EEA1: variants seen among roughly 807,000 people sequenced by gnomAD.
EEA1 encodes early endosome antigen 1, 162kD.
Under a neutral mutation model 209.2 loss-of-function variants are expected in EEA1, and 111 were observed. The ratio of observed to expected loss-of-function variants is 0.53; its 90% CI spans 0.45 to 0.62. The LOEUF is 0.62. Ranked by LOEUF, EEA1 falls within the 20% of genes least tolerant of loss-of-function variation. The pLI is 0.00. For synonymous variants in EEA1, 536 were observed against 540.6 expected, an observed-to-expected ratio of 0.99 and a Z score of 0.12; for missense variants, 1,343 against 1,530.8, an observed-to-expected ratio of 0.88 and a Z score of 2.05.
At chr12:92,820,700 A>G (rs1340931389) in intron 13 of EEA1, among the ~76,000 whole-genome samples, 1 of 152,050 alleles carries the variant, frequency 6.6e-6, no homozygotes, top group Non-Finnish European at 1.5e-5. Flanking sequence ...ACCATGGTAC[A>G]TGTGTAACTA....
chr12:92,858,894 A>G (rs1442177041), intron 3 of EEA1: 3 of 713,692 alleles, frequency 4.2e-6, no homozygotes, highest in Non-Finnish European at 7.8e-6. Context: ...ACCATTATGG[A>G]CACTTACAGA....
chr12:92,793,635 C>A (rs1874515343), intron 21 of EEA1, among the ~76,000 whole-genome samples: 1 of 152,064 alleles, frequency 6.6e-6, no homozygotes, highest in African/African-American at 2.4e-5. Context: ...TAGAAGAGGA[C>A]ACAAACAAAT....
At chr12:92,906,617 C>T (rs1592771290) in intron 1 of EEA1, among the ~76,000 whole-genome samples, 1 of 152,068 alleles carries the variant, frequency 6.6e-6, no homozygotes, top group African/African-American at 2.4e-5. Context: ...TCGAGACCAT[C>T]CTGGCTAACA....
At chr12:92,861,698 CAG>C (rs201610324) in intron 3 of EEA1, among the ~76,000 whole-genome samples, 1,770 of 151,998 alleles carry the variant, frequency 0.012, 33 homozygotes, top group African/African-American at 0.041. Flanking sequence ...CCATAAGATA[CAG>C]AGAGAAACAA....
chr12:92,858,693 TGTTA>T (rs1877996190), intron 3 of EEA1: 3 of 736,752 alleles, frequency 4.1e-6, no homozygotes, highest in South Asian at 4.1e-5. Flanking sequence ...TCCACACAAT[TGTTA>T]TATCTGTTTG....
intron 1 of EEA1, among the ~76,000 whole-genome samples, chr12:92,896,361 G>A (rs2647900): frequency 0.93 from 140,932 of 152,204 alleles, 65,337 homozygotes; most frequent in East Asian, 1. Flanking sequence ...GATGAAATCT[G>A]CTACTGGAGA....
intron 11 of EEA1, among the ~76,000 whole-genome samples, chr12:92,830,166 T>G (rs1419551490): frequency 6.6e-6 from 1 of 152,204 alleles, no homozygotes; most frequent in Non-Finnish European, 1.5e-5. Flanking sequence ...TTAAATTTTT[T>G]CAAATATTTA....
intron 18 of EEA1, among the ~76,000 whole-genome samples, chr12:92,806,942 A>ATT (rs34717047): frequency 4.2e-4 from 62 of 147,448 alleles, no homozygotes; most frequent in Admixed American, 7.4e-4. Context: ...TTTTTTAATA[A>ATT]TTTTTTTTTT....
At chr12:92,886,773 C>A (rs916433814) in intron 2 of EEA1, among the ~76,000 whole-genome samples, 76 of 151,668 alleles carry the variant, frequency 5.0e-4, no homozygotes, top group African/African-American at 1.8e-3. Flanking sequence ...CCGAAGCGGG[C>A]GGATCACAAG....
chr12:92,925,419 T>C (rs1592783300), intron 1 of EEA1, among the ~76,000 whole-genome samples: 1 of 152,172 alleles, frequency 6.6e-6, no homozygotes, highest in South Asian at 2.1e-4. Flanking sequence ...TTTCACCACA[T>C]TGACCAAGCT....
At chr12:92,784,506 GCAACCCTAACCTCTAACCA>G (rs1021020759) in intron 22 of EEA1, among the ~76,000 whole-genome samples, 1 of 152,160 alleles carries the variant, frequency 6.6e-6, no homozygotes, top group Non-Finnish European at 1.5e-5. Flanking sequence ...AGCCTGGAAA[GCAACCCTAACCTCTAACCA>G]CAAGATTTCC....
intron 13 of EEA1, among the ~76,000 whole-genome samples, chr12:92,819,997 T>C (rs1875971452): frequency 6.6e-6 from 1 of 152,202 alleles, no homozygotes; most frequent in Non-Finnish European, 1.5e-5. Flanking sequence ...CCTTTCCCAA[T>C]ATTCCCTATC....
intron 2 of EEA1, among the ~76,000 whole-genome samples, chr12:92,891,201 T>C (rs1879643289): frequency 2.0e-5 from 3 of 152,054 alleles, no homozygotes; most frequent in Admixed American, 1.3e-4. Flanking sequence ...ATATTTAATA[T>C]AATGTCTTTA....
intron 2 of EEA1, among the ~76,000 whole-genome samples, chr12:92,873,941 T>C (rs1462851687): frequency 1.3e-5 from 2 of 151,814 alleles, no homozygotes; most frequent in Non-Finnish European, 2.9e-5. Context: ...GAGTTCATCT[T>C]TTTTTTTAAC....
At chr12:92,865,180 C>A (rs1279435805) in intron 2 of EEA1, among the ~76,000 whole-genome samples, 193 bp from the exon 3 acceptor site, 1 of 152,016 alleles carries the variant, frequency 6.6e-6, no homozygotes, top group East Asian at 1.9e-4. Flanking sequence ...TTGAAGTTTA[C>A]AAAATACAAA....
intron 2 of EEA1, among the ~76,000 whole-genome samples, chr12:92,865,510 G>A (rs1241731419): frequency 1.3e-5 from 2 of 151,936 alleles, no homozygotes; most frequent in African/African-American, 2.4e-5. Flanking sequence ...AGCTAACACA[G>A]TAAAGGCCTA....
chr12:92,918,745 C>G (rs1447194037), intron 1 of EEA1, among the ~76,000 whole-genome samples: 10 of 98,754 alleles, frequency 1.0e-4, no homozygotes, highest in African/African-American at 3.4e-4. Flanking sequence ...TAACTAAAAT[C>G]AGAGCAGAAC....
Position 92,780,410 on chromosome 12 carries a change from G to C in EEA1, c.3338C>G (p.Ser1113Ter). ...ATTTACCAGTTCTTTTTCTTTCAGTGACTGTAGAAAAATGATATATTTTAA... is the reference window on the plus strand; with the variant it reads ...ATTTACCAGTTCTTTTTCTTTCAGTCACTGTAGAAAAATGATATATTTTAA... ...KALQDIQKEK[S>*]LKEKELVNEK... The change falls in exon 24 of 29, where the codon TCA becomes TGA. Residue 1113 changes from serine (S) to a stop codon, truncating the protein, a stop_gained and splice_region_variant. Coordinates refer to ENST00000322349, the MANE Select transcript of EEA1 (RefSeq NM_003566.4). LOFTEE classifies it high-confidence loss of function. 6.6e-7 allele frequency: 1 copy of C among 1,506,038 alleles called. No homozygotes were observed. 93.3% of individuals were successfully genotyped at this position (1,506,038 alleles called of 1,614,324 possible).
intron 2 of EEA1, among the ~76,000 whole-genome samples, chr12:92,871,460 G>C (rs4594045): frequency 1.3e-5 from 2 of 152,076 alleles, no homozygotes; most frequent in African/African-American, 4.8e-5. Flanking sequence ...CATTTTCATC[G>C]TGCACTTTCT....
Sources: allele counts gnomAD v4.1 joint callset (sites outside exome capture counted in the v4.1 genomes callset), GRCh38; gene constraint gnomAD v4.1.1; transcripts MANE v1.5; gene names NCBI Gene and HGNC (gene_info 2026-07-23, HGNC 2026-07-21).